MAGI1: variants seen among roughly 807,000 people sequenced by gnomAD.
MAGI1 encodes the protein membrane associated guanylate kinase, WW and PDZ domain containing 1, also known as membrane-associated guanylate kinase, WW and PDZ domain-containing protein 1.
In MAGI1, 58 loss-of-function variants were observed where a neutral mutation model predicts 139.9. The ratio of observed to expected loss-of-function variants is 0.41; its 90% CI spans 0.34 to 0.52. The LOEUF (loss-of-function observed/expected upper bound fraction) is 0.52, where lower values mean the gene tolerates loss of function less well. Among genes scored for constraint, MAGI1 ranks in the 20% least tolerant of loss-of-function variants. MAGI1 has a pLI of 0.12. For missense variants in MAGI1, 1,874 were observed against 1,901.6 expected, an observed-to-expected ratio of 0.99 and a Z score of 0.27; for synonymous variants, 812 against 737.9, an observed-to-expected ratio of 1.10 and a Z score of -1.63.
intron 1 of MAGI1, among the ~76,000 whole-genome samples, chr3:65,982,531 G>A (rs1295157444): frequency 6.6e-6 from 1 of 152,128 alleles, no homozygotes; most frequent in Non-Finnish European, 1.5e-5. Flanking sequence ...AAAAATGATG[G>A]TATATTTTAA....
chr3:65,903,425 T>G (rs182489004), intron 1 of MAGI1, among the ~76,000 whole-genome samples: 1 of 152,164 alleles, frequency 6.6e-6, no homozygotes, highest in Non-Finnish European at 1.5e-5. Context: ...GTTTCCTCAT[T>G]TAAAAAACCA....
At chr3:65,692,666 C>CA (rs2107571403) in intron 1 of MAGI1, among the ~76,000 whole-genome samples, 1 of 152,128 alleles carries the variant, frequency 6.6e-6, no homozygotes, top group Admixed American at 6.5e-5. Context: ...AAAGGTGGGA[C>CA]CTTTGGCAAG....
In MAGI1 at chr3:65,751,160, T is replaced by TA. The variant is rs1351637195; in HGVS notation, c.314-129073dup. On this transcript the variant is annotated intron_variant, in intron 1 of 22. Transcript: ENST00000402939. ...TGGGGGAAACATCTGATTAAAACCC[T>TA]AAAACTAGTCCTGCATTCAAAAGAT... Among the ~76,000 whole-genome samples the TA allele has an allele frequency of 5.9e-5, 9 of 152,300 alleles. No homozygotes were observed. In the East Asian group the frequency reaches 1.7e-3, roughly 29 times the overall value.
At chr3:65,887,618 T>TG (rs2108556603) in intron 1 of MAGI1, among the ~76,000 whole-genome samples, 1 of 152,144 alleles carries the variant, frequency 6.6e-6, no homozygotes, top group South Asian at 2.1e-4. Context: ...ATAAAACTCA[T>TG]GAAAAACTAA....
At chr3:65,891,885 A>AT (rs2060768964) in intron 1 of MAGI1, among the ~76,000 whole-genome samples, 1 of 37,552 alleles carries the variant, frequency 2.7e-5, no homozygotes, top group African/African-American at 7.4e-5. Flanking sequence ...CTTAAAGTAT[A>AT]ATATATATAT....
At chr3:65,396,140 G>A (rs934847965) in intron 13 of MAGI1, among the ~76,000 whole-genome samples, 19 of 152,162 alleles carry the variant, frequency 1.2e-4, no homozygotes, top group Non-Finnish European at 2.4e-4. Context: ...ACCAAAAGGA[G>A]GAGAGCTTAG....
chr3:65,905,487 C>T (rs2061401595), intron 1 of MAGI1, among the ~76,000 whole-genome samples: 1 of 148,456 alleles, frequency 6.7e-6, no homozygotes, highest in Non-Finnish European at 1.5e-5. Context: ...TAAGACCTTG[C>T]CTTAAAAAAA....
At chr3:65,743,178 CT>C (rs2035420647) in intron 1 of MAGI1, among the ~76,000 whole-genome samples, 1 of 152,136 alleles carries the variant, frequency 6.6e-6, no homozygotes, top group Admixed American at 6.5e-5. Context: ...AATAATGTAT[CT>C]TTTTTCCCAT....
intron 1 of MAGI1, among the ~76,000 whole-genome samples, chr3:65,904,387 T>G (rs1232438958): frequency 6.6e-6 from 1 of 152,210 alleles, no homozygotes; most frequent in Non-Finnish European, 1.5e-5. Flanking sequence ...TATATCAAAC[T>G]GGGTGACAGG....
chr3:65,475,692 GC>G (rs1488332436), intron 4 of MAGI1, among the ~76,000 whole-genome samples: 1 of 152,000 alleles, frequency 6.6e-6, no homozygotes, highest in Non-Finnish European at 1.5e-5. Context: ...CTGTCCCATT[GC>G]TTTGTGTTCA....
intron 1 of MAGI1, among the ~76,000 whole-genome samples, chr3:65,934,177 G>A (rs2062938119): frequency 6.6e-6 from 1 of 151,680 alleles, no homozygotes; most frequent in Non-Finnish European, 1.5e-5. Flanking sequence ...GGTGAATCTA[G>A]GTGAGACACC....
At chr3:65,686,903 A>G (rs1391440310) in intron 1 of MAGI1, among the ~76,000 whole-genome samples, 1 of 152,230 alleles carries the variant, frequency 6.6e-6, no homozygotes, top group African/African-American at 2.4e-5. Context: ...GGAATATTGA[A>G]TCTCCAACAG....
intron 1 of MAGI1, among the ~76,000 whole-genome samples, chr3:65,837,041 C>A (rs2042848650): frequency 6.6e-6 from 1 of 152,050 alleles, no homozygotes; most frequent in Non-Finnish European, 1.5e-5. Flanking sequence ...AATGTGACAC[C>A]TTTTGGAAGA....
intron 1 of MAGI1, among the ~76,000 whole-genome samples, chr3:65,851,750 A>G (rs777548370): frequency 4.0e-5 from 6 of 151,442 alleles, no homozygotes; most frequent in Non-Finnish European, 8.9e-5. Flanking sequence ...CTCTGTCTCA[A>G]AAAAAAAATG....
intron 1 of MAGI1, among the ~76,000 whole-genome samples, chr3:65,868,413 CG>C (rs2059803648): frequency 6.6e-6 from 1 of 152,134 alleles, no homozygotes; most frequent in Non-Finnish European, 1.5e-5. Flanking sequence ...CAAATGTTGA[CG>C]GGTAGAGCGC....
intron 1 of MAGI1, among the ~76,000 whole-genome samples, chr3:65,762,297 AT>A (rs1393414599): frequency 1.3e-5 from 2 of 152,144 alleles, no homozygotes; most frequent in African/African-American, 4.8e-5. Context: ...TCCTTCTCAG[AT>A]TTTGAAAGTC....
At chr3:65,484,535 T>G (rs774144703) in intron 3 of MAGI1, among the ~76,000 whole-genome samples, 15 of 152,048 alleles carry the variant, frequency 9.9e-5, no homozygotes, top group Non-Finnish European at 1.3e-4. Context: ...ATGTATAGAG[T>G]ACATGAATAC....
At chr3:65,813,547 A>G (rs2041416368) in intron 1 of MAGI1, among the ~76,000 whole-genome samples, 2 of 152,240 alleles carry the variant, frequency 1.3e-5, no homozygotes, top group Non-Finnish European at 2.9e-5. Flanking sequence ...GTGGGGATAT[A>G]GAAAAAGAGC....
chr3:65,809,974 C>CCTCT (rs146092715), intron 1 of MAGI1, among the ~76,000 whole-genome samples: 1 of 149,872 alleles, frequency 6.7e-6, no homozygotes, highest in South Asian at 2.1e-4. Flanking sequence ...TCACATATAT[C>CCTCT]CTCTCTCTCT....
Sources: allele counts gnomAD v4.1 joint callset (sites outside exome capture counted in the v4.1 genomes callset), GRCh38; gene constraint gnomAD v4.1.1; transcripts MANE v1.5; gene names NCBI Gene and HGNC (gene_info 2026-07-23, HGNC 2026-07-21).